KCNAB1: variants seen among roughly 807,000 people sequenced by gnomAD.
KCNAB1 encodes voltage-gated potassium channel subunit beta-1.
Under a neutral mutation model 64.6 loss-of-function variants are expected in KCNAB1, and 35 were observed. That is an observed-to-expected ratio of 0.54 (90% CI 0.41 to 0.72). KCNAB1 has a LOEUF of 0.72. Among genes scored for constraint, KCNAB1 ranks in the 30% least tolerant of loss-of-function variants. The pLI is 0.00. For missense variants in KCNAB1, 401 were observed against 512.9 expected, an observed-to-expected ratio of 0.78 and a Z score of 2.11; for synonymous variants, 177 against 183.8, an observed-to-expected ratio of 0.96 and a Z score of 0.30.
chr3:156,494,986 G>T (rs1280975564), intron 8 of KCNAB1, among the ~76,000 whole-genome samples: 2 of 152,020 alleles, frequency 1.3e-5, no homozygotes, highest in African/African-American at 4.8e-5. Flanking sequence ...ATTAAGGCCA[G>T]CATCCCTTAG....
chr3:156,445,038 C>T (rs1051717260), intron 2 of KCNAB1, among the ~76,000 whole-genome samples: 3 of 152,216 alleles, frequency 2.0e-5, no homozygotes, highest in Non-Finnish European at 1.5e-5. Flanking sequence ...TGGCTCACGC[C>T]TGTAATACCA....
At chr3:156,248,733 A>C (rs1408742181) in intron 1 of KCNAB1, among the ~76,000 whole-genome samples, 1 of 152,248 alleles carries the variant, frequency 6.6e-6, no homozygotes, top group African/African-American at 2.4e-5. Flanking sequence ...GTACAGTTAG[A>C]ATAGTTCAGA....
intron 1 of KCNAB1, among the ~76,000 whole-genome samples, chr3:156,125,608 T>C (rs1255063550): frequency 2.0e-5 from 3 of 152,258 alleles, no homozygotes; most frequent in African/African-American, 7.2e-5. Flanking sequence ...ATACTGATTT[T>C]GACCACCTTA....
At chr3:156,474,662 AG>A in intron 7 of KCNAB1, 71 bp from the exon 8 acceptor site, 1 of 1,117,810 alleles carries the variant, frequency 8.9e-7, no homozygotes, top group South Asian at 1.3e-5. Flanking sequence ...AATTCTTGAA[AG>A]AAACCAAACT....
At chr3:156,173,294 G>A (rs979782783) in intron 1 of KCNAB1, among the ~76,000 whole-genome samples, 1 of 152,152 alleles carries the variant, frequency 6.6e-6, no homozygotes, top group East Asian at 1.9e-4. Flanking sequence ...TGGCCAGTGA[G>A]TTAACCAGGG....
At chr3:156,224,382 C>G (rs933422770) in intron 1 of KCNAB1, among the ~76,000 whole-genome samples, 1 of 152,224 alleles carries the variant, frequency 6.6e-6, no homozygotes, top group African/African-American at 2.4e-5. Flanking sequence ...CACAGTGCAG[C>G]GGCGGGCTGA....
chr3:156,469,366 C>G (rs1046928029), intron 7 of KCNAB1, among the ~76,000 whole-genome samples: 31 of 147,324 alleles, frequency 2.1e-4, no homozygotes, highest in African/African-American at 7.2e-4. Flanking sequence ...AAGCGATTCT[C>G]TTGCCTCAGC....
At chr3:156,292,019 G>T in intron 1 of KCNAB1, 1 of 1,614,120 alleles carries the variant, frequency 6.2e-7, no homozygotes, top group South Asian at 1.1e-5. Context: ...CGCAGCCCGG[G>T]CCAAATTCCG....
intron 1 of KCNAB1, among the ~76,000 whole-genome samples, chr3:156,370,427 A>T (rs1181192587): frequency 6.6e-6 from 1 of 152,238 alleles, no homozygotes; most frequent in Non-Finnish European, 1.5e-5. Flanking sequence ...TTTTTTTAGC[A>T]CTAAGTGAAA....
At chr3:156,320,482 G>A (rs1722584119) in intron 1 of KCNAB1, among the ~76,000 whole-genome samples, 1 of 152,216 alleles carries the variant, frequency 6.6e-6, no homozygotes, top group African/African-American at 2.4e-5. Context: ...AGTGGTGAGA[G>A]CCCATACAGA....
chr3:156,494,799 G>C (rs998725194), intron 8 of KCNAB1, among the ~76,000 whole-genome samples: 1 of 152,150 alleles, frequency 6.6e-6, no homozygotes, highest in Admixed American at 6.5e-5. Context: ...AATGTAACCT[G>C]TTATGTTCTG....
chr3:156,328,061 C>G (rs909940926), intron 1 of KCNAB1, among the ~76,000 whole-genome samples: 3 of 152,138 alleles, frequency 2.0e-5, no homozygotes, highest in Non-Finnish European at 4.4e-5. Flanking sequence ...AACATTCCTT[C>G]CCATCCACAC....
chr3:156,179,880 G>C (rs569403927), intron 1 of KCNAB1, among the ~76,000 whole-genome samples: 77 of 152,256 alleles, frequency 5.1e-4, no homozygotes, highest in African/African-American at 1.8e-3. Flanking sequence ...AATCATCCTA[G>C]TGTAAGTAAT....
intron 1 of KCNAB1, among the ~76,000 whole-genome samples, chr3:156,394,081 A>T (rs1713249316): frequency 6.6e-6 from 1 of 152,192 alleles, no homozygotes; most frequent in South Asian, 2.1e-4. Flanking sequence ...AACACCATTA[A>T]ATGAGAACAA....
chr3:156,520,741 T>C (rs539838937), intron 11 of KCNAB1, among the ~76,000 whole-genome samples: 2 of 152,348 alleles, frequency 1.3e-5, no homozygotes, highest in Admixed American at 6.5e-5. Flanking sequence ...AGAAGGCAAG[T>C]TTTCGGCTCT....
intron 1 of KCNAB1, among the ~76,000 whole-genome samples, chr3:156,362,637 G>C (rs935983924): frequency 6.6e-6 from 1 of 152,178 alleles, no homozygotes; most frequent in Non-Finnish European, 1.5e-5. Context: ...TTAGAACAGT[G>C]TGGGACACAG....
chr3:156,333,639 A>G (rs947353043), intron 1 of KCNAB1, among the ~76,000 whole-genome samples: 5 of 152,238 alleles, frequency 3.3e-5, no homozygotes, highest in African/African-American at 1.2e-4. Context: ...GAGTATATTT[A>G]TAAGAGATGT....
At chr3:156,427,769 C>A (rs149097043) in intron 2 of KCNAB1, among the ~76,000 whole-genome samples, 104 of 152,280 alleles carry the variant, frequency 6.8e-4, no homozygotes, top group Non-Finnish European at 7.5e-4. Context: ...GGGGAACCTA[C>A]CACATACACA....
chr3:156,430,449 T>C (rs993440305), intron 2 of KCNAB1, among the ~76,000 whole-genome samples: 1 of 152,094 alleles, frequency 6.6e-6, no homozygotes. Context: ...TTCAAAACCA[T>C]TAGTAATGGG....
Sources: gnomAD v4.1 joint callset for allele counts (sites outside exome capture counted in the v4.1 genomes callset) on GRCh38, gnomAD v4.1.1 for gene constraint, MANE v1.5 for transcripts, NCBI Gene and HGNC (gene_info 2026-07-23, HGNC 2026-07-21) for gene names.